The following PRG4 variants were observed in gnomAD, a reference collection of about 807,000 sequenced individuals.
PRG4 encodes the protein proteoglycan 4, also known as articular superficial zone protein.
In PRG4, 61 loss-of-function variants were observed where a neutral mutation model predicts 91.2. That is an observed-to-expected ratio of 0.67 (90% CI 0.54 to 0.83). PRG4 has a LOEUF of 0.83. Among genes scored for constraint, PRG4 ranks in the 40% least tolerant of loss-of-function variants. PRG4 has a pLI of 0.00. For missense variants in PRG4, 1,564 were observed against 1,714.2 expected, an observed-to-expected ratio of 0.91 and a Z score of 1.55; for synonymous variants, 576 against 614.2, an observed-to-expected ratio of 0.94 and a Z score of 0.92.
intron 8 of PRG4, 124 bp downstream of exon 8, chr1:186,309,994 C>A: frequency 1.3e-6 from 1 of 774,100 alleles, no homozygotes; most frequent in Non-Finnish European, 2.3e-6. Context: ...ATAAGCACAC[C>A]TCACAGGAGA....
At chr1:186,311,413 A>G (rs1657221574) in intron 9 of PRG4, 27 bp from the exon 10 acceptor site, 1 of 1,602,990 alleles carries the variant, frequency 6.2e-7, no homozygotes, top group Non-Finnish European at 8.5e-7. Context: ...AAAGCTGATA[A>G]CATAATTTTC....
chr1:186,301,545 T>C lies in PRG4; in HGVS notation c.200-47T>C, dbSNP rs1571553262. On this transcript the variant is annotated intron_variant, in intron 3 of 12. Transcript: ENST00000445192. Reference sequence around the variant, plus strand: ...GAAATGGCTGTCAAATACGTGGGCCTGGCTTCACAATGAATAATCTGTAAC... The same window carrying C: ...GAAATGGCTGTCAAATACGTGGGCCCGGCTTCACAATGAATAATCTGTAAC... The C allele has an allele frequency of 7.4e-6, 12 of 1,612,164 alleles. No individual in the cohort carries two copies. In the East Asian group the frequency reaches 2.7e-4, roughly 36 times the overall value.
At chr1:186,301,956 G>A (rs926289358) in intron 4 of PRG4, among the ~76,000 whole-genome samples, 6 of 152,168 alleles carry the variant, frequency 3.9e-5, no homozygotes, top group Non-Finnish European at 8.8e-5. Flanking sequence ...GGAACATAGA[G>A]GATGAGGCTG....
Position 186,314,046 on chromosome 1 carries a change from C to T in PRG4, c.*268C>T. ...TCACACCTGTAAAAGAAAAAAGAAT[C>T]AAATTGAATATATCTTTTAAGAATT... On this transcript the variant is annotated 3_prime_UTR_variant, in exon 13 of 13. Transcript: ENST00000445192. 1 of 1,603,590 alleles carries T rather than the reference C, an allele frequency of 6.2e-7. No homozygotes were observed. Among genetic ancestry groups the T allele is most frequent in the South Asian group, 1.1e-5 (1 of 90,198 alleles).
intron 5 of PRG4, 94 bp from the exon 6 acceptor site, chr1:186,304,700 C>T: frequency 2.1e-6 from 3 of 1,454,660 alleles, no homozygotes; most frequent in Non-Finnish European, 2.9e-6. Flanking sequence ...TACTTGTAGA[C>T]TAGTAAATAG....
Position 186,307,293 on chromosome 1 carries a change from C to A in PRG4, c.1574C>A (p.Thr525Asn), listed in dbSNP as rs780961545. 2.5e-6 allele frequency: 4 copies of A among 1,603,158 alleles called. No homozygotes were observed. The highest frequency in any genetic ancestry group is 1.1e-5 in the South Asian group (1 of 90,330). The change falls in exon 7 of 13, where the codon ACC becomes AAC. Residue 525 changes from threonine (T) to asparagine (N), a missense_variant. Transcript: ENST00000445192. ...ACCACTCCCAAGGAGCCTGCACCCA[C>A]CACCACCAAGTCTGCACCCACCACT... ...SPTTPKEPAPTTTKSAPTTTK... is the reference protein window; with the variant it reads ...SPTTPKEPAPNTTKSAPTTTK...
chr1:186,301,656 C>G lies in PRG4; in HGVS notation c.264C>G (p.Ala88=), dbSNP rs1373810787. The change falls in exon 4 of 13, where the codon GCC becomes GCG. Residue 88 remains alanine, a synonymous_variant. Coordinates refer to ENST00000445192, the MANE Select transcript of PRG4 (RefSeq NM_005807.6). ...FERGRECDCD[A]QCKKYDKCCP... ...GAGGGAGGGAGTGTGACTGCGACGC[C>G]CAATGTAAGAAGTATGACAAGTGCT... is the stretch of plus-strand genomic sequence containing the variant. The G allele has an allele frequency of 6.2e-7, 1 of 1,613,702 alleles. No individual in the cohort carries two copies. Among genetic ancestry groups the G allele is most frequent in the Non-Finnish European group, 8.5e-7 (1 of 1,179,770 alleles).
At chr1:186,304,725 T>G in intron 5 of PRG4, 69 bp from the exon 6 acceptor site, 1 of 1,545,816 alleles carries the variant, frequency 6.5e-7, no homozygotes, top group Non-Finnish European at 8.9e-7. Flanking sequence ...TCTTGCTGTG[T>G]TTAGACTGGT....
At chr1:186,298,909 T>C (rs370360861) in intron 2 of PRG4, among the ~76,000 whole-genome samples, 22 of 152,214 alleles carry the variant, frequency 1.4e-4, no homozygotes, top group East Asian at 1.3e-3. Flanking sequence ...ACACTATATA[T>C]ACATTTTTGT....
At chr1:186,301,197 T>A (rs897208316) in intron 3 of PRG4, among the ~76,000 whole-genome samples, 5 of 152,164 alleles carry the variant, frequency 3.3e-5, no homozygotes, top group African/African-American at 1.2e-4. Flanking sequence ...ATTGCTGAGA[T>A]CTGTACATTC....
chr1:186,299,771 T>G (rs1656082142), intron 2 of PRG4, among the ~76,000 whole-genome samples: 1 of 152,212 alleles, frequency 6.6e-6, no homozygotes, highest in Admixed American at 6.5e-5. Context: ...TGGCAACTGC[T>G]AATCATCAAA....
intron 5 of PRG4, 23 bp downstream of exon 5, chr1:186,304,280 C>A: frequency 6.2e-7 from 1 of 1,603,092 alleles, no homozygotes; most frequent in South Asian, 1.1e-5. Context: ...CAGATATAAT[C>A]AAAGGAGCTT....
rs757038802 is a variant in PRG4, at chr1:186,311,425, CTT to C, written c.3637-12_3637-11del. ...CCCAAAGCTGATAACATAATTTTCT[CTT>C]TTAAATTATCAGGATTCTCAGTACT... On this transcript the variant is annotated splice_polypyrimidine_tract_variant and intron_variant, in intron 9 of 12. Coordinates refer to ENST00000445192, the MANE Select transcript of PRG4 (RefSeq NM_005807.6). The C allele has an allele frequency of 8.1e-6, 13 of 1,610,272 alleles. No individual in the cohort carries two copies. Among genetic ancestry groups the C allele is most frequent in the Non-Finnish European group, 1.1e-5 (13 of 1,176,800 alleles).
rs1342319114 is a variant in PRG4 at position 186,312,350 on chromosome 1, C to T, written c.3969C>T (p.Ala1323=). 4.4e-6 allele frequency: 7 copies of T among 1,608,436 alleles called. No homozygotes were observed. Among genetic ancestry groups the T allele is most frequent in the Non-Finnish European group, 3.4e-6 (4 of 1,178,254 alleles). The change falls in exon 11 of 13, where the codon GCC becomes GCT. Residue 1323 remains alanine (A), a synonymous_variant. Coordinates refer to ENST00000445192, the MANE Select transcript of PRG4 (RefSeq NM_005807.6). ...CCATCAGAATTCAATATTCACCTGC[C>T]AGACTGGCTTATCAAGACAAAGGTA... is the stretch of plus-strand genomic sequence containing the variant. ...THTIRIQYSP[A]RLAYQDKGVL...
rs766197175 is a variant in PRG4, at chr1:186,300,131, T to C, written c.117T>C (p.Ser39=). ...SCAGRCGEGY[S]RDATCNCDYN... is the part of the protein sequence containing the mutation. ...CAGGGAGATGTGGGGAAGGGTATTC[T>C]AGAGATGCCACCTGCAACTGTGATT... The change falls in exon 3 of 13, where the codon TCT becomes TCC. Residue 39 remains serine, a synonymous_variant. Coordinates refer to ENST00000445192, the MANE Select transcript of PRG4 (RefSeq NM_005807.6). 16 of 1,614,012 alleles carry C rather than the reference T, an allele frequency of 9.9e-6. No homozygotes were observed. Among genetic ancestry groups the C allele is most frequent in the Non-Finnish European group, 1.2e-5 (14 of 1,179,838 alleles).
At chr1:186,302,406 A>T (rs933548495) in intron 4 of PRG4, among the ~76,000 whole-genome samples, 4 of 152,264 alleles carry the variant, frequency 2.6e-5, no homozygotes, top group African/African-American at 9.6e-5. Context: ...AAAAGATTTT[A>T]AAAATATACT....
intron 2 of PRG4, among the ~76,000 whole-genome samples, chr1:186,298,149 G>T (rs141617496): frequency 2.0e-4 from 30 of 152,300 alleles, no homozygotes; most frequent in African/African-American, 6.3e-4. Flanking sequence ...GGGAGGCCTA[G>T]GGAGACAGAT....
chr1:186,313,856 A>G lies in PRG4; in HGVS notation c.*78A>G, dbSNP rs1458270112. On this transcript the variant is annotated 3_prime_UTR_variant, in exon 13 of 13. Coordinates refer to ENST00000445192, the MANE Select transcript of PRG4 (RefSeq NM_005807.6). ...ACACTGAAAAACATTTTATTAATAAAGAATATTGACATGAGTATACCAGTT... is the reference window on the plus strand; with the variant it reads ...ACACTGAAAAACATTTTATTAATAAGGAATATTGACATGAGTATACCAGTT... 2.7e-6 allele frequency: 4 copies of G among 1,477,584 alleles called. No individual in the cohort carries two copies. In the African/African-American group the frequency reaches 4.2e-5, roughly 15 times the overall value. The allele number at this position is 1,477,584 out of a possible 1,614,324, so 91.5% of individuals were successfully genotyped here.
At chr1:186,300,325 G>A in intron 3 of PRG4, 112 bp downstream of exon 3, 2 of 1,407,558 alleles carry the variant, frequency 1.4e-6, no homozygotes, top group Non-Finnish European at 1.0e-6. Context: ...GCACCCACTT[G>A]CAGTGCTGTT....
Sources: gnomAD v4.1 joint callset for allele counts (sites outside exome capture counted in the v4.1 genomes callset) on GRCh38, gnomAD v4.1.1 for gene constraint, MANE v1.5 for transcripts, NCBI Gene and HGNC (gene_info 2026-07-23, HGNC 2026-07-21) for gene names.